RAD54L2: variants seen among roughly 807,000 people sequenced by gnomAD.
RAD54L2 encodes RAD54 like 2.
In RAD54L2, 27 loss-of-function variants were observed where a neutral mutation model predicts 138.4. The ratio of observed to expected loss-of-function variants is 0.20; its 90% CI spans 0.14 to 0.27. The LOEUF (loss-of-function observed/expected upper bound fraction) is 0.27. Among genes scored for constraint, RAD54L2 ranks in the 10% least tolerant of loss-of-function variants. The probability of loss-of-function intolerance (pLI) is 1.00; values close to 1 mark genes in which losing one functional copy is unlikely to be tolerated. For synonymous variants in RAD54L2, 644 were observed against 723.2 expected, an observed-to-expected ratio of 0.89 and a Z score of 1.76; for missense variants, 1,396 against 1,890.2, an observed-to-expected ratio of 0.74 and a Z score of 4.85.
chr3:51,580,968 T>G (rs1039298064), intron 2 of RAD54L2, among the ~76,000 whole-genome samples: 1 of 152,188 alleles, frequency 6.6e-6, no homozygotes, highest in Non-Finnish European at 1.5e-5. Flanking sequence ...TAGTCATCCA[T>G]TAACACTTTT....
chr3:51,558,089 G>A (rs962411368), intron 2 of RAD54L2, among the ~76,000 whole-genome samples: 11 of 151,786 alleles, frequency 7.2e-5, no homozygotes, highest in Non-Finnish European at 8.8e-5. Context: ...CAACCAATCT[G>A]CCCACCTCAG....
chr3:51,570,069 G>A (rs1403188931), intron 2 of RAD54L2, among the ~76,000 whole-genome samples: 1 of 149,984 alleles, frequency 6.7e-6, no homozygotes, highest in Non-Finnish European at 1.5e-5. Flanking sequence ...CTGTCCTCAA[G>A]TGATCCTCCT....
chr3:51,583,055 A>G lies in RAD54L2; in HGVS notation c.-54-7312A>G, dbSNP rs186493261. On this transcript the variant is annotated intron_variant, in intron 2 of 22. Transcript: ENST00000684192. Reference sequence around the variant, plus strand: ...GCTAGGATTACAGGCATGAGCCACCATGCCCGGCCAAGAATGTTAATATAT... The same window carrying G: ...GCTAGGATTACAGGCATGAGCCACCGTGCCCGGCCAAGAATGTTAATATAT... 1.0e-3 allele frequency among the ~76,000 whole-genome samples: 157 copies of G among 152,292 alleles called. 1 individual carries two copies. Among genetic ancestry groups the G allele is most frequent in the Middle Eastern group, 3.4e-3 (1 of 294 alleles).
At chr3:51,565,502 G>A (rs1293408343) in intron 2 of RAD54L2, among the ~76,000 whole-genome samples, 1 of 152,132 alleles carries the variant, frequency 6.6e-6, no homozygotes, top group Non-Finnish European at 1.5e-5. Flanking sequence ...TTGAGATGGC[G>A]TCTTACTCTG....
At chr3:51,625,723 G>A (rs1449982866) in intron 3 of RAD54L2, among the ~76,000 whole-genome samples, 6 of 152,094 alleles carry the variant, frequency 3.9e-5, no homozygotes, top group Non-Finnish European at 8.8e-5. Context: ...TTAGCTGGGT[G>A]TGATGGCATG....
At chr3:51,609,972 G>T (rs1423832828) in intron 3 of RAD54L2, among the ~76,000 whole-genome samples, 3 of 7,492 alleles carry the variant, frequency 4.0e-4, no homozygotes, top group Non-Finnish European at 6.1e-4. Context: ...ATGGATTTGG[G>T]GTAAAAAAAA....
intron 2 of RAD54L2, among the ~76,000 whole-genome samples, chr3:51,543,316 G>A (rs1406357047): frequency 6.6e-6 from 1 of 152,204 alleles, no homozygotes; most frequent in East Asian, 1.9e-4. Context: ...TTCCAGATAA[G>A]AGTAAGTAAT....
chr3:51,662,360 T>G lies in RAD54L2; in HGVS notation c.3410-66T>G. 7.2e-7 allele frequency: 1 copy of G among 1,382,916 alleles called. No individual in the cohort carries two copies. Among genetic ancestry groups the G allele is most frequent in the South Asian group, 1.7e-5 (1 of 60,138 alleles). The allele number at this position is 1,382,916 out of a possible 1,614,324, so 85.7% of individuals were successfully genotyped here. On this transcript the variant is annotated intron_variant, in intron 22 of 22. Transcript: ENST00000684192. The surrounding 1 kb of genome is among the most constrained non-coding windows in gnomAD (Gnocchi z 4.6). ...AGGACAGGATTTTTTTTAATGGAGT[T>G]TTCTCCTCTACCCTTCTTCTCTCCC...
At chr3:51,661,177 G>T (rs906821011) in intron 22 of RAD54L2, among the ~76,000 whole-genome samples, 1 of 151,902 alleles carries the variant, frequency 6.6e-6, no homozygotes, top group Non-Finnish European at 1.5e-5. Flanking sequence ...GCCTAGGCTG[G>T]TCTCGAACTC....
At chr3:51,576,206 C>T (rs576784381) in intron 2 of RAD54L2, among the ~76,000 whole-genome samples, 27 of 152,242 alleles carry the variant, frequency 1.8e-4, no homozygotes, top group African/African-American at 5.5e-4. Flanking sequence ...CCAACTTGAT[C>T]GTGATGGATA....
chr3:51,570,049 T>C (rs1699302447), intron 2 of RAD54L2, among the ~76,000 whole-genome samples: 2 of 151,512 alleles, frequency 1.3e-5, no homozygotes, highest in Non-Finnish European at 2.9e-5. Flanking sequence ...CCCAGGCTGT[T>C]CTCAAACTCC....
At chr3:51,557,333 C>T (rs1372009196) in intron 2 of RAD54L2, among the ~76,000 whole-genome samples, 1 of 151,866 alleles carries the variant, frequency 6.6e-6, no homozygotes, top group Non-Finnish European at 1.5e-5. Context: ...CAAGTGCACA[C>T]TGCCATGCCC....
chr3:51,633,454 C>T (rs1186425911), intron 7 of RAD54L2, 123 bp from the exon 8 acceptor site: 10 of 939,446 alleles, frequency 1.1e-5, no homozygotes, highest in Non-Finnish European at 1.6e-5. Flanking sequence ...CTATGGCCAT[C>T]CACACCTGCT....
At chr3:51,613,089 G>A (rs1245065730) in intron 3 of RAD54L2, among the ~76,000 whole-genome samples, 1 of 151,980 alleles carries the variant, frequency 6.6e-6, no homozygotes, top group Non-Finnish European at 1.5e-5. Flanking sequence ...ACAGGCGCCT[G>A]CCACCACACC....
At chr3:51,594,561 TC>T (rs1176463616) in intron 3 of RAD54L2, among the ~76,000 whole-genome samples, 1 of 152,182 alleles carries the variant, frequency 6.6e-6, no homozygotes, top group East Asian at 1.9e-4. Context: ...GACCATAGAT[TC>T]TTATAATCGC....
chr3:51,617,197 T>C (rs1700464089), intron 3 of RAD54L2, among the ~76,000 whole-genome samples: 1 of 152,242 alleles, frequency 6.6e-6, no homozygotes, highest in Non-Finnish European at 1.5e-5. Context: ...TTGCTGTTTT[T>C]TTCAAAATTA....
chr3:51,595,863 G>C (rs1470433285), intron 3 of RAD54L2, among the ~76,000 whole-genome samples: 1 of 151,198 alleles, frequency 6.6e-6, no homozygotes, highest in Non-Finnish European at 1.5e-5. Context: ...AAAGGTAGGG[G>C]TTCAAAATGT....
In RAD54L2 at chr3:51,590,674, A is replaced by G. The variant is rs1577407906; in HGVS notation, c.139+115A>G. 5 of 1,394,610 alleles carry G rather than the reference A, an allele frequency of 3.6e-6. No individual in the cohort carries two copies. The East Asian group carries it at 1.2e-4, about 35-fold the overall frequency. The allele number at this position is 1,394,610 out of a possible 1,614,324, so 86.4% of individuals were successfully genotyped here. A position where few individuals can be genotyped will look rare whatever the true frequency, so the allele number is the denominator to read the frequency against. On this transcript the variant is annotated intron_variant, in intron 3 of 22. Transcript: ENST00000684192. ...TTCTTAGGCCATCCATAGTGGGAAGATACAGACTAGGAACTGAGATGCAAT... is the reference window on the plus strand; with the variant it reads ...TTCTTAGGCCATCCATAGTGGGAAGGTACAGACTAGGAACTGAGATGCAAT...
At chr3:51,620,594 C>T (rs770382268) in intron 3 of RAD54L2, among the ~76,000 whole-genome samples, 1 of 151,658 alleles carries the variant, frequency 6.6e-6, no homozygotes, top group Non-Finnish European at 1.5e-5. Context: ...TTGAATGTAA[C>T]GTAGGAATTT....
Sources: allele counts gnomAD v4.1 joint callset (sites outside exome capture counted in the v4.1 genomes callset), GRCh38; gene constraint gnomAD v4.1.1; non-coding constraint Gnocchi (gnomAD v3.1); transcripts MANE v1.5; gene names NCBI Gene and HGNC (gene_info 2026-07-23, HGNC 2026-07-21).